PSMB2: variants seen among roughly 807,000 people sequenced by gnomAD.
The protein encoded by PSMB2 is proteasome 20S subunit beta 2, also known as proteasome subunit beta type-2.
A neutral mutation model predicts 25.7 loss-of-function variants in PSMB2; 13 were observed. The observed-to-expected ratio is 0.51, with a 90% CI of 0.33 to 0.80. The LOEUF (loss-of-function observed/expected upper bound fraction) is 0.80, where lower values mean the gene tolerates loss of function less well. PSMB2 is among the 30% of genes least tolerant of loss of function. The pLI is 0.02. For synonymous variants in PSMB2, 87 were observed against 96.2 expected, an observed-to-expected ratio of 0.90 and a Z score of 0.56; for missense variants, 202 against 259.0, an observed-to-expected ratio of 0.78 and a Z score of 1.51.
chr1:35,623,974 G>T (rs147809451), intron 3 of PSMB2, among the ~76,000 whole-genome samples: 170 of 152,260 alleles, frequency 1.1e-3, no homozygotes, highest in African/African-American at 3.9e-3. Flanking sequence ...GGCATGAGAA[G>T]AATAATTCTC....
intron 3 of PSMB2, among the ~76,000 whole-genome samples, chr1:35,616,038 A>C (rs1021823061): frequency 7.9e-5 from 12 of 152,234 alleles, no homozygotes; most frequent in Admixed American, 5.2e-4. Context: ...GGATTTCATG[A>C]AAATGCAATT....
intron 1 of PSMB2, among the ~76,000 whole-genome samples, chr1:35,638,139 C>T (rs78656484): frequency 0.041 from 6,242 of 152,150 alleles, 305 homozygotes; most frequent in African/African-American, 0.12. Flanking sequence ...GTAACCTGTT[C>T]AACTTTAAAA....
chr1:35,618,490 G>A (rs551227276), intron 3 of PSMB2, among the ~76,000 whole-genome samples: 1 of 151,208 alleles, frequency 6.6e-6, no homozygotes, highest in African/African-American at 2.4e-5. Flanking sequence ...TATGGCAAAG[G>A]TATACCTAAG....
At chr1:35,620,525 CAG>C (rs1472474847) in intron 3 of PSMB2, among the ~76,000 whole-genome samples, 2 of 151,998 alleles carry the variant, frequency 1.3e-5, no homozygotes. Context: ...TATTTAGAGA[CAG>C]AGTCTCGCTC....
chr1:35,607,908 C>G (rs180701896), intron 4 of PSMB2, among the ~76,000 whole-genome samples: 5 of 146,172 alleles, frequency 3.4e-5, no homozygotes, highest in Non-Finnish European at 7.4e-5. Context: ...TGGAACTGGA[C>G]GGTATTCTGC....
chr1:35,628,596 A>AAAAAATATATATATATATATATATAT (rs59538661), intron 3 of PSMB2, among the ~76,000 whole-genome samples: 1 of 25,098 alleles, frequency 4.0e-5, no homozygotes, highest in Non-Finnish European at 7.6e-5. Flanking sequence ...AAAAAAAAAA[A>AAAAAATATATATATATATATATATAT]ATATATATAT....
At chr1:35,638,912 T>C (rs1651317822) in intron 1 of PSMB2, among the ~76,000 whole-genome samples, 1 of 152,192 alleles carries the variant, frequency 6.6e-6, no homozygotes, top group Non-Finnish European at 1.5e-5. Context: ...TTTTCAGCAT[T>C]CTTGCCTACT....
intron 1 of PSMB2, 46 bp downstream of exon 1, chr1:35,641,296 G>T (rs762153985): frequency 8.7e-6 from 14 of 1,610,936 alleles, no homozygotes; most frequent in South Asian, 1.1e-5. Flanking sequence ...CCTTCTGGCC[G>T]CTCCTACACC....
chr1:35,640,406 C>T (rs1651361262), intron 1 of PSMB2, among the ~76,000 whole-genome samples: 1 of 152,150 alleles, frequency 6.6e-6, no homozygotes, highest in Admixed American at 6.6e-5. Context: ...TGCAAAATAA[C>T]TTATACAAAC....
At chr1:35,617,862 C>T (rs1650551316) in intron 3 of PSMB2, among the ~76,000 whole-genome samples, 1 of 152,182 alleles carries the variant, frequency 6.6e-6, no homozygotes, top group African/African-American at 2.4e-5. Context: ...ATACAGCAAC[C>T]AGTGAACATT....
intron 3 of PSMB2, among the ~76,000 whole-genome samples, chr1:35,627,481 C>A (rs1033529005): frequency 8.6e-5 from 13 of 151,674 alleles, no homozygotes; most frequent in Non-Finnish European, 1.8e-4. Context: ...ATGGAGAAAC[C>A]CCATCTCTAC....
intron 3 of PSMB2, among the ~76,000 whole-genome samples, chr1:35,622,845 A>AG (rs1650730910): frequency 6.6e-6 from 1 of 151,998 alleles, no homozygotes; most frequent in Admixed American, 6.6e-5. Context: ...AGAAAAAAAA[A>AG]TTTCCTGATA....
intron 3 of PSMB2, among the ~76,000 whole-genome samples, chr1:35,615,880 T>C (rs1474700148): frequency 1.3e-5 from 2 of 152,170 alleles, no homozygotes; most frequent in Admixed American, 6.5e-5. Flanking sequence ...ATGAGACAAA[T>C]GAGTTTGTCT....
chr1:35,600,053 T>G lies in PSMB2; in HGVS notation c.*3214A>C, dbSNP rs866331653. ...TGGGAGGCTGGGGTAAGAGGTTCAC[T>G]TGAGCCCAGGAGTTCAAGTGAACTT... On this transcript the variant is annotated 3_prime_UTR_variant, in exon 6 of 6. Coordinates refer to ENST00000373237, the MANE Select transcript of PSMB2 (RefSeq NM_002794.5). The G allele has an allele frequency of 1.0e-5, 7 of 679,572 alleles. No homozygotes were observed. The highest frequency in any genetic ancestry group is 1.3e-5 in the Non-Finnish European group (7 of 551,072). The allele number at this position is 679,572 out of a possible 1,614,324, so 42.1% of individuals were successfully genotyped here.
chr1:35,641,241 C>G (rs1651386980), intron 1 of PSMB2, 101 bp downstream of exon 1: 2 of 1,444,450 alleles, frequency 1.4e-6, no homozygotes, highest in Non-Finnish European at 1.9e-6. Flanking sequence ...GGCCGGCTTC[C>G]ATCTCTCAGA....
At chr1:35,608,255 C>T (rs1416120757) in intron 4 of PSMB2, among the ~76,000 whole-genome samples, 1 of 151,990 alleles carries the variant, frequency 6.6e-6, no homozygotes, top group Non-Finnish European at 1.5e-5. Flanking sequence ...ATCCCATCTA[C>T]TTGGGAGGCT....
chr1:35,636,199 C>T (rs1651241332), intron 2 of PSMB2, 111 bp downstream of exon 2: 1 of 1,378,144 alleles, frequency 7.3e-7, no homozygotes, highest in Non-Finnish European at 1.0e-6. Context: ...CTTCTAACAT[C>T]TAGAACTGTG....
intron 2 of PSMB2, chr1:35,631,611 T>C: frequency 1.4e-6 from 1 of 728,000 alleles, no homozygotes; most frequent in Non-Finnish European, 1.9e-6. Context: ...GCTTAAACTA[T>C]TCATTCATCA....
At chr1:35,615,751 GAC>G (rs1650474690) in intron 3 of PSMB2, among the ~76,000 whole-genome samples, 1 of 152,174 alleles carries the variant, frequency 6.6e-6, no homozygotes, top group Non-Finnish European at 1.5e-5. Flanking sequence ...TGAATGGGAC[GAC>G]ACTGCTATGA....
Sources: gnomAD v4.1 joint callset for allele counts (sites outside exome capture counted in the v4.1 genomes callset) on GRCh38, gnomAD v4.1.1 for gene constraint, MANE v1.5 for transcripts, NCBI Gene and HGNC (gene_info 2026-07-23, HGNC 2026-07-21) for gene names.